The following TRIML1 variants were observed in gnomAD, a reference collection of about 807,000 sequenced individuals.
TRIML1 encodes tripartite motif family like 1.
In TRIML1, 34 loss-of-function variants were observed where a neutral mutation model predicts 32.3. That is an observed-to-expected ratio of 1.05 (90% CI 0.80 to 1.40). The LOEUF (loss-of-function observed/expected upper bound fraction) is 1.40, where lower values mean the gene tolerates loss of function less well. Among genes scored for constraint, TRIML1 ranks in the 40% most tolerant of loss-of-function variants. The probability of loss-of-function intolerance (pLI) is 0.00; values close to 1 mark genes in which losing one functional copy is unlikely to be tolerated. For synonymous variants in TRIML1, 244 were observed against 226.6 expected, an observed-to-expected ratio of 1.08 and a Z score of -0.69; for missense variants, 595 against 574.9, an observed-to-expected ratio of 1.03 and a Z score of -0.36.
At position 188,144,098 on chromosome 4, in the gene TRIML1, T is replaced by A. The variant is rs147434571; in HGVS notation, c.821T>A (p.Ile274Asn). 19 of 1,614,084 alleles carry A rather than the reference T, an allele frequency of 1.2e-5. No individual in the cohort carries two copies. In the Admixed American group the frequency reaches 1.3e-4, roughly 11 times the overall value. The change falls in exon 5 of 6, where the codon ATC becomes AAC. Residue 274 changes from isoleucine (I) to asparagine (N), a missense_variant. By Grantham distance (149) the Ile-to-Asn change is moderately radical (BLOSUM62 -3). Transcript: ENST00000332517. ...ATTTELSLCR[I>N]TGMKEMLRKF... is the part of the protein sequence containing the mutation. ...ACCACAGAGCTGAGTCTGTGCCGCA[T>A]CACGGGAATGAAGGAGATGCTAAGA...
chr4:188,139,681 C>T lies in TRIML1; in HGVS notation c.123C>T (p.Leu41=). The T allele has an allele frequency of 6.2e-7, 1 of 1,614,098 alleles. No individual in the cohort carries two copies. Among genetic ancestry groups the T allele is most frequent in the Non-Finnish European group, 8.5e-7 (1 of 1,180,024 alleles). ...ACAGCTTTTGTCTGGTGTGTCTCCTCAGGAGCTGGGAGGAACATAACACAC... is the reference window on the plus strand; with the variant it reads ...ACAGCTTTTGTCTGGTGTGTCTCCTTAGGAGCTGGGAGGAACATAACACAC... ...CGHSFCLVCL[L]RSWEEHNTPL... The change falls in exon 1 of 6, where the codon CTC becomes CTT. Residue 41 remains leucine (L), a synonymous_variant. Transcript: ENST00000332517.
intron 5 of TRIML1, 122 bp from the exon 6 acceptor site, chr4:188,146,700 C>T: frequency 2.5e-6 from 2 of 792,502 alleles, no homozygotes; most frequent in South Asian, 9.2e-5. Context: ...AGCCATCACG[C>T]CCGGCCCCAA....
chr4:188,146,884 A>T lies in TRIML1; in HGVS notation c.919A>T (p.Ser307Cys), dbSNP rs1735103625. The T allele has an allele frequency of 2.7e-6, 4 of 1,486,216 alleles. No homozygotes were observed. The highest frequency in any genetic ancestry group is 2.4e-5 in the Admixed American group (1 of 41,668). 92.1% of individuals were successfully genotyped at this position (1,486,216 alleles called of 1,614,324 possible). A position where few individuals can be genotyped will look rare whatever the true frequency, so the allele number is the denominator to read the frequency against. ...TCTCGTGTTGTCGGAGGATCTGAAG[A>T]GTGTGAAATATGGGGGAAGCAGACA... ...AYLVLSEDLK[S>C]VKYGGSRQQL... is the part of the protein sequence containing the mutation. The change falls in exon 6 of 6, where the codon AGT becomes TGT. Residue 307 changes from serine (S) to cysteine (C), a missense_variant. Coordinates refer to ENST00000332517, the MANE Select transcript of TRIML1 (RefSeq NM_178556.5).
In TRIML1 at chr4:188,143,758, C is replaced by T. The variant is rs1734950380; in HGVS notation, c.736-80C>T. On this transcript the variant is annotated intron_variant, in intron 3 of 5. Transcript: ENST00000332517. Reference sequence around the variant, plus strand: ...TGGGAAGCAGATTCTGTGAGCTTTGCAAGGACTGTATGCAAAATGAATTTC... The same window carrying T: ...TGGGAAGCAGATTCTGTGAGCTTTGTAAGGACTGTATGCAAAATGAATTTC... The T allele has an allele frequency of 1.1e-5, 17 of 1,552,562 alleles. No individual in the cohort carries two copies. The Admixed American group carries it at 2.7e-4, about 24-fold the overall frequency.
At chr4:188,148,914 T>C (rs1425440524), downstream of TRIML1, among the ~76,000 whole-genome samples, 1 of 129,860 alleles carries the variant, frequency 7.7e-6, no homozygotes, top group Non-Finnish European at 1.6e-5. Flanking sequence ...TTTTTTTTTT[T>C]TTTTTTTTTT....
intron 5 of TRIML1, among the ~76,000 whole-genome samples, chr4:188,146,267 A>G (rs1386560098): frequency 6.6e-6 from 1 of 152,158 alleles, no homozygotes; most frequent in African/African-American, 2.4e-5. Flanking sequence ...AGCGACGCCC[A>G]TTCCACCCAC....
At chr4:188,141,453 A>T (rs1380996233) in intron 2 of TRIML1, among the ~76,000 whole-genome samples, 1 of 152,096 alleles carries the variant, frequency 6.6e-6, no homozygotes, top group African/African-American at 2.4e-5. Context: ...GGTGTGAGCC[A>T]CCGTGCTTGG....
downstream of TRIML1, among the ~76,000 whole-genome samples, chr4:188,150,711 T>A (rs997681424): frequency 6.6e-6 from 1 of 151,600 alleles, no homozygotes; most frequent in African/African-American, 2.4e-5. Flanking sequence ...TTTGGCAAAA[T>A]CATCCCCAGT....
downstream of TRIML1, among the ~76,000 whole-genome samples, chr4:188,150,669 G>C (rs1735230153): frequency 6.6e-6 from 1 of 151,802 alleles, no homozygotes; most frequent in Non-Finnish European, 1.5e-5. Context: ...CAAAGTGGTA[G>C]ATACTGACAA....
Position 188,139,808 on chromosome 4 carries a change from C to T in TRIML1, c.250C>T (p.Gln84Ter), listed in dbSNP as rs781361166. ...CAGCATCGCCAGGCAGCTCCGGTCCCAGGTGCTGCAGAGCGAGGATGAGCA... is the reference window on the plus strand; with the variant it reads ...CAGCATCGCCAGGCAGCTCCGGTCCTAGGTGCTGCAGAGCGAGGATGAGCA... ...LASIARQLRS[Q>*]VLQSEDEQGS... The change falls in exon 1 of 6, where the codon CAG becomes TAG. Residue 84 changes from glutamine (Q) to a stop codon, truncating the protein, a stop_gained. Transcript: ENST00000332517. LOFTEE classifies it high-confidence loss of function. 1.2e-6 allele frequency: 2 copies of T among 1,613,846 alleles called. No individual in the cohort carries two copies. Among genetic ancestry groups the T allele is most frequent in the Non-Finnish European group, 1.7e-6 (2 of 1,180,042 alleles).
chr4:188,144,276 G>A, intron 5 of TRIML1, 143 bp downstream of exon 5: 2 of 681,828 alleles, frequency 2.9e-6, no homozygotes, highest in Admixed American at 2.5e-5. Context: ...GGAGGGCTGG[G>A]GCCACAGACC....
rs1030686588 is a variant in TRIML1, at chr4:188,147,503, A to G, written c.*131A>G. On this transcript the variant is annotated 3_prime_UTR_variant, in exon 6 of 6. Coordinates refer to ENST00000332517, the MANE Select transcript of TRIML1 (RefSeq NM_178556.5). ...CTCCCGTAACCCCACCCCACCCCCA[A>G]GAGTTTCCATTAACTTGATCCCATT... 1.4e-5 allele frequency: 10 copies of G among 691,188 alleles called. No individual in the cohort carries two copies. Among genetic ancestry groups the G allele is most frequent in the Non-Finnish European group, 1.9e-5 (9 of 479,830 alleles). The allele number at this position is 691,188 out of a possible 1,614,324, so 42.8% of individuals were successfully genotyped here. A position where few individuals can be genotyped will look rare whatever the true frequency, so the allele number is the denominator to read the frequency against.
At chr4:188,146,259 C>T (rs1007617568) in intron 5 of TRIML1, among the ~76,000 whole-genome samples, 5 of 152,122 alleles carry the variant, frequency 3.3e-5, no homozygotes, top group Non-Finnish European at 5.9e-5. Context: ...GTGAACAGAG[C>T]GACGCCCATT....
chr4:188,140,716 A>G, intron 2 of TRIML1, 93 bp downstream of exon 2: 1 of 971,840 alleles, frequency 1.0e-6, no homozygotes, highest in Non-Finnish European at 1.6e-6. Flanking sequence ...AAAAAAGACA[A>G]ATTTTTCCAG....
In TRIML1 at chr4:188,141,688, G is replaced by A. The variant is rs549934618; in HGVS notation, c.505-564G>A. ...CTCCACTAGAACGACCGCCTCCTGG[G>A]AATGGAGATTTTGGTTTTGTTTACT... On this transcript the variant is annotated intron_variant, in intron 2 of 5. Transcript: ENST00000332517. 5.9e-5 allele frequency among the ~76,000 whole-genome samples: 9 copies of A among 152,100 alleles called. 1 individual carries two copies. In the South Asian group the frequency reaches 1.7e-3, roughly 28 times the overall value.
intron 5 of TRIML1, among the ~76,000 whole-genome samples, chr4:188,144,710 C>CG (rs1438615026): frequency 6.6e-6 from 1 of 152,018 alleles, no homozygotes; most frequent in African/African-American, 2.4e-5. Context: ...TTCCATCCCC[C>CG]CCTTGCACGT....
intron 5 of TRIML1, among the ~76,000 whole-genome samples, chr4:188,144,735 C>T (rs1423479503): frequency 6.6e-6 from 1 of 152,006 alleles, no homozygotes; most frequent in Non-Finnish European, 1.5e-5. Context: ...ACACGCCCCC[C>T]TCATGCAGGG....
Position 188,146,936 on chromosome 4 carries a change from T to G in TRIML1, c.971T>G (p.Phe324Cys), listed in dbSNP as rs559867227. 6 of 1,504,016 alleles carry G rather than the reference T, an allele frequency of 4.0e-6. No individual in the cohort carries two copies. Among genetic ancestry groups the G allele is most frequent in the East Asian group, 4.6e-5 (2 of 43,166 alleles). 93.2% of individuals were successfully genotyped at this position (1,504,016 alleles called of 1,614,324 possible). A position where few individuals can be genotyped will look rare whatever the true frequency, so the allele number is the denominator to read the frequency against. Residue 324 changes from phenylalanine (F) to cysteine (C), a missense_variant, in exon 6 of 6, where the codon TTT becomes TGT. Coordinates refer to ENST00000332517, the MANE Select transcript of TRIML1 (RefSeq NM_178556.5). ...CAGCTACCCGACAACCCGGAAAGAT[T>G]TGACCAGTCTGCGACTGTGCTGGGT... The part of the protein sequence containing the change: ...RQQLPDNPER[F>C]DQSATVLGTQ...
chr4:188,146,548 T>G (rs1425210520), intron 5 of TRIML1, among the ~76,000 whole-genome samples: 1 of 152,134 alleles, frequency 6.6e-6, no homozygotes, highest in Non-Finnish European at 1.5e-5. Context: ...TAGTTCGGAT[T>G]ACAAGCACGT....
Sources: allele counts gnomAD v4.1 joint callset (sites outside exome capture counted in the v4.1 genomes callset), GRCh38; gene constraint gnomAD v4.1.1; transcripts MANE v1.5; gene names NCBI Gene and HGNC (gene_info 2026-07-23, HGNC 2026-07-21).